Variants in C1D observed in about 807,000 individuals in gnomAD.
The protein encoded by C1D is nuclear nucleic acid-binding protein C1D.
C1D carries 10 observed loss-of-function variants against 17.5 expected under a neutral mutation model. The ratio of observed to expected loss-of-function variants is 0.57; its 90% confidence interval spans 0.35 to 0.97. C1D has a LOEUF of 0.97. Among genes scored for constraint, C1D ranks in the 50% least tolerant of loss-of-function variants. The probability of loss-of-function intolerance (pLI) is 0.01; values close to 1 mark genes in which losing one functional copy is unlikely to be tolerated. For synonymous variants in C1D, 49 were observed against 54.0 expected (o/e 0.91, Z 0.40); for missense variants, 136 against 160.1 (o/e 0.85, Z 0.81).
chr2:68,047,271 T>C lies in C1D; in HGVS notation c.40A>G (p.Ile14Val). The C allele has an allele frequency of 6.2e-7, 1 of 1,613,280 alleles. No individual in the cohort carries two copies. Among genetic ancestry groups the C allele is most frequent in the Middle Eastern group, 1.7e-4 (1 of 6,014 alleles). Residue 14 changes from isoleucine (I) to valine (V), a missense_variant, in exon 2 of 5, where the codon ATT becomes GTT. Transcript: ENST00000410067. ...EEINEDYPVE[I>V]HEYLSAFENS... ...TCAAACGCTGACAAATACTCGTGAA[T>C]TTCTACTGGATAGTCTTCATTAATT...
intron 1 of C1D, among the ~76,000 whole-genome samples, chr2:68,053,804 A>G (rs553964846): frequency 6.6e-6 from 1 of 152,106 alleles, no homozygotes; most frequent in African/African-American, 2.4e-5. Context: ...CTCACTCTCA[A>G]CTTTCACCTG....
rs1421982360 is a variant in C1D, at chr2:68,042,030, A to T, written c.*859T>A. On this transcript the variant is annotated 3_prime_UTR_variant, in exon 5 of 5. Transcript: ENST00000410067. ...CAAAACACTTGTATGTACTTGATAC[A>T]GCCTCAAAAACATGAAATAAAAAAA... is the stretch of plus-strand genomic sequence containing the variant. 1.3e-5 allele frequency: 2 copies of T among 152,070 alleles called. No individual in the cohort carries two copies. The highest frequency in any genetic ancestry group is 2.9e-5 in the Non-Finnish European group (2 of 67,912). The allele number at this position is 152,070 out of a possible 1,614,324, so 9.4% of individuals were successfully genotyped here.
chr2:68,047,789 GAT>G (rs1166905230), intron 1 of C1D, among the ~76,000 whole-genome samples: 3 of 152,154 alleles, frequency 2.0e-5, no homozygotes, highest in African/African-American at 7.2e-5. Context: ...CCAAACATGA[GAT>G]AGCAATAATC....
rs141193897 is a variant in C1D at position 68,046,853 on chromosome 2, T to A, written c.138+320A>T. Among the ~76,000 whole-genome samples the A allele has an allele frequency of 8.9e-3, 1,352 of 152,268 alleles. 11 individuals carry two copies. The highest frequency in any genetic ancestry group is 0.015 in the Non-Finnish European group (998 of 67,994). On this transcript the variant is annotated intron_variant, in intron 2 of 4. Coordinates refer to ENST00000410067, the MANE Select transcript of C1D (RefSeq NM_173177.3). ...AGACTGTCAAAGTCAATTTACTGTT[T>A]TTGTCCTATAGGGTTTCCAGAAACC...
In C1D at chr2:68,044,864, G is replaced by C. The variant is rs578135168; in HGVS notation, c.261+1124C>G. On this transcript the variant is annotated intron_variant, in intron 4 of 4. Transcript: ENST00000410067. ...TGTCCTTTCACAAAGACAGTATCAA[G>C]TATTCCAAATAACTTCATGTTAATG... Among the ~76,000 whole-genome samples the C allele has an allele frequency of 3.9e-5, 6 of 152,252 alleles. No homozygotes were observed. In the South Asian group the frequency reaches 1.2e-3, roughly 32 times the overall value.
chr2:68,043,849 G>A (rs562067690), intron 4 of C1D, among the ~76,000 whole-genome samples: 5 of 152,266 alleles, frequency 3.3e-5, no homozygotes, highest in African/African-American at 9.6e-5. Flanking sequence ...GTGAAAGACT[G>A]GCAACTCTGC....
rs540609132 is a variant in C1D at position 68,048,579 on chromosome 2, T to G, written c.-9-1260A>C. Among the ~76,000 whole-genome samples the G allele has an allele frequency of 4.6e-5, 7 of 152,260 alleles. No homozygotes were observed. In the East Asian group the frequency reaches 1.3e-3, roughly 29 times the overall value. ...ATATTTAGTGACAACATATCAACAT[T>G]TTTTCTGAATGAGTATATTCCACTG... On this transcript the variant is annotated intron_variant, in intron 1 of 4. Coordinates refer to ENST00000410067, the MANE Select transcript of C1D (RefSeq NM_173177.3).
Position 68,042,194 on chromosome 2 carries a change from C to T in C1D, c.*695G>A, listed in dbSNP as rs900435882. 6.6e-5 allele frequency: 10 copies of T among 152,432 alleles called. No individual in the cohort carries two copies. The East Asian group carries it at 1.7e-3, about 26-fold the overall frequency. 9.4% of individuals were successfully genotyped at this position (152,432 alleles called of 1,614,324 possible). On this transcript the variant is annotated 3_prime_UTR_variant, in exon 5 of 5. Coordinates refer to ENST00000410067, the MANE Select transcript of C1D (RefSeq NM_173177.3). The stretch of plus-strand genomic sequence containing the variant: ...CAAATTTACTCAAAAGATAAAAATA[C>T]ACAGGTCAGTTATACAACATTTTCA...
chr2:68,056,514 A>C (rs1202669499), intron 1 of C1D, among the ~76,000 whole-genome samples: 1 of 152,198 alleles, frequency 6.6e-6, no homozygotes, highest in African/African-American at 2.4e-5. Flanking sequence ...CAAATAAAAA[A>C]CTAAAAAAAG....
At chr2:68,048,061 T>G (rs1445895702) in intron 1 of C1D, among the ~76,000 whole-genome samples, 4 of 152,098 alleles carry the variant, frequency 2.6e-5, no homozygotes, top group Admixed American at 1.3e-4. Context: ...TTCTTTAAAA[T>G]ATTAATAAGA....
At chr2:68,051,486 C>T (rs946604676) in intron 1 of C1D, among the ~76,000 whole-genome samples, 3 of 152,142 alleles carry the variant, frequency 2.0e-5, no homozygotes, top group African/African-American at 7.2e-5. Flanking sequence ...AGCAAGACCC[C>T]AACTCTATTT....
At chr2:68,046,900 T>G (rs1333250760) in intron 2 of C1D, among the ~76,000 whole-genome samples, 1 of 152,164 alleles carries the variant, frequency 6.6e-6, no homozygotes, top group Non-Finnish European at 1.5e-5. Flanking sequence ...ATTGTAATAC[T>G]TAAAAGGTCA....
At chr2:68,043,614 C>T (rs1671033270) in intron 4 of C1D, among the ~76,000 whole-genome samples, 1 of 152,032 alleles carries the variant, frequency 6.6e-6, no homozygotes, top group South Asian at 2.1e-4. Flanking sequence ...ATAAAATATA[C>T]AGTTCTAATC....
chr2:68,061,921 T>C (rs1477347180), intron 1 of C1D, among the ~76,000 whole-genome samples: 1 of 152,240 alleles, frequency 6.6e-6, no homozygotes, highest in Admixed American at 6.5e-5. Flanking sequence ...AAAACCGTTA[T>C]TCACACTTGT....
chr2:68,061,644 G>A (rs932562127), intron 1 of C1D, among the ~76,000 whole-genome samples: 11 of 152,192 alleles, frequency 7.2e-5, no homozygotes, highest in Non-Finnish European at 1.3e-4. Flanking sequence ...CCATTAGAAC[G>A]GGGCCTGGCT....
intron 4 of C1D, among the ~76,000 whole-genome samples, chr2:68,045,399 CA>C (rs1671090843): frequency 6.6e-6 from 1 of 152,086 alleles, no homozygotes; most frequent in Non-Finnish European, 1.5e-5. Context: ...TTGAAGTCAG[CA>C]AAAACTCCAA....
Position 68,042,846 on chromosome 2 carries a change from G to C in C1D, c.*43C>G. The C allele has an allele frequency of 3.3e-6, 1 of 299,864 alleles. No homozygotes were observed. Among genetic ancestry groups the C allele is most frequent in the Non-Finnish European group, 5.8e-6 (1 of 171,822 alleles). The allele number at this position is 299,864 out of a possible 1,614,324, so 18.6% of individuals were successfully genotyped here. Reference sequence around the variant, plus strand: ...TATTTTGCGGGGGGGGGGGGGGGGGGGAAGATGTACTTTTTGAATATGTGT... The same window carrying C: ...TATTTTGCGGGGGGGGGGGGGGGGGCGAAGATGTACTTTTTGAATATGTGT... On this transcript the variant is annotated 3_prime_UTR_variant, in exon 5 of 5. Transcript: ENST00000410067.
At chr2:68,058,860 C>T (rs1020680870) in intron 1 of C1D, among the ~76,000 whole-genome samples, 4 of 152,168 alleles carry the variant, frequency 2.6e-5, no homozygotes, top group Non-Finnish European at 5.9e-5. Flanking sequence ...GAACATGGGG[C>T]ATTAGCAAGT....
At chr2:68,053,088 G>T in intron 1 of C1D, 1 of 1,550,732 alleles carries the variant, frequency 6.4e-7, no homozygotes. Flanking sequence ...CCTCCTCCGG[G>T]GTTCTATAGG....
Sources: allele counts gnomAD v4.1 joint callset (sites outside exome capture counted in the v4.1 genomes callset), GRCh38; gene constraint gnomAD v4.1.1; transcripts MANE v1.5; gene names NCBI Gene and HGNC (gene_info 2026-07-23, HGNC 2026-07-21).